QSOX1: variants seen among roughly 807,000 people sequenced by gnomAD.
QSOX1 encodes the protein quiescin sulfhydryl oxidase 1, also known as sulfhydryl oxidase 1.
Under a neutral mutation model 76.1 loss-of-function variants are expected in QSOX1, and 40 were observed. The observed-to-expected ratio is 0.53, with a 90% CI of 0.41 to 0.68. The LOEUF is 0.68. Among genes scored for constraint, QSOX1 ranks in the 30% least tolerant of loss-of-function variants. The pLI is 0.00. For missense variants in QSOX1, 931 were observed against 974.3 expected (o/e 0.96, Z 0.59); for synonymous variants, 392 against 413.1 (o/e 0.95, Z 0.62).
intron 2 of QSOX1, among the ~76,000 whole-genome samples, chr1:180,168,506 C>G (rs1662686227): frequency 6.6e-6 from 1 of 152,230 alleles, no homozygotes; most frequent in African/African-American, 2.4e-5. Context: ...CTCTGAGGTC[C>G]TATGCAGCGG....
rs191825440 is a variant in QSOX1, at chr1:180,189,681, C to T, written c.1140+7C>T. The T allele has an allele frequency of 6.2e-7, 1 of 1,611,290 alleles. No individual in the cohort carries two copies. Among genetic ancestry groups the T allele is most frequent in the African/African-American group, 1.3e-5 (1 of 74,938 alleles). The stretch of plus-strand genomic sequence containing the variant: ...CCTGGACGACAGGAAAGAGGTGAGT[C>T]TGGGAAGCAAATAAAGATCTCTCCA... On this transcript the variant is annotated splice_region_variant and intron_variant, in intron 9 of 11. Coordinates refer to ENST00000367602, the MANE Select transcript of QSOX1 (RefSeq NM_002826.5).
chr1:180,176,993 A>G (rs1021965767), intron 4 of QSOX1, among the ~76,000 whole-genome samples: 4 of 151,998 alleles, frequency 2.6e-5, no homozygotes, highest in African/African-American at 9.7e-5. Flanking sequence ...CCAATTTTCC[A>G]TCCTCCAGAG....
chr1:180,154,931 C>T lies in QSOX1; in HGVS notation c.24C>T (p.Ser8=), dbSNP rs1327716940. ...GGATGAGGAGGTGCAACAGCGGCTCCGGGCCGCCGCCGTCGCTGCTGCTGC... is the reference window on the plus strand; with the variant it reads ...GGATGAGGAGGTGCAACAGCGGCTCTGGGCCGCCGCCGTCGCTGCTGCTGC... The part of the protein sequence containing the change: MRRCNSG[S]GPPPSLLLLL... The change falls in exon 1 of 12, where the codon TCC becomes TCT. Residue 8 remains serine, a synonymous_variant. Coordinates refer to ENST00000367602, the MANE Select transcript of QSOX1 (RefSeq NM_002826.5). 6.8e-7 allele frequency: 1 copy of T among 1,475,414 alleles called. No individual in the cohort carries two copies. Among genetic ancestry groups the T allele is most frequent in the South Asian group, 1.3e-5 (1 of 76,382 alleles). 91.4% of individuals were successfully genotyped at this position (1,475,414 alleles called of 1,614,324 possible). A position where few individuals can be genotyped will look rare whatever the true frequency, so the allele number is the denominator to read the frequency against.
intron 1 of QSOX1, among the ~76,000 whole-genome samples, chr1:180,158,682 C>T (rs919512891): frequency 2.0e-5 from 3 of 151,990 alleles, no homozygotes; most frequent in South Asian, 2.1e-4. Context: ...CTGAATTCTT[C>T]GGTGTAGAGT....
At position 180,203,739 on chromosome 1, in the gene QSOX1, T is replaced by G. The variant is rs1031351102; in HGVS notation, c.*6702T>G. 6.6e-6 allele frequency: 1 copy of G among 152,194 alleles called. No homozygotes were observed. The highest frequency in any genetic ancestry group is 2.4e-5 in the African/African-American group (1 of 41,448). 9.4% of individuals were successfully genotyped at this position (152,194 alleles called of 1,614,324 possible). ...ATATAACAAGTGGCTAAGTGTCAGTTACAGCCTCTGAGCTTTAGTCAATTG... is the reference window on the plus strand; with the variant it reads ...ATATAACAAGTGGCTAAGTGTCAGTGACAGCCTCTGAGCTTTAGTCAATTG... On this transcript the variant is annotated 3_prime_UTR_variant, in exon 12 of 12. Transcript: ENST00000367602.
intron 4 of QSOX1, among the ~76,000 whole-genome samples, 187 bp downstream of exon 4, chr1:180,176,220 G>T (rs1662888548): frequency 6.6e-6 from 1 of 152,208 alleles, no homozygotes; most frequent in African/African-American, 2.4e-5. Flanking sequence ...CTGGTGGTGG[G>T]CTTCCTATCG....
rs1165813226 is a variant in QSOX1 at position 180,196,044 on chromosome 1, G to A, written c.1469-218G>A. Among the ~76,000 whole-genome samples the A allele has an allele frequency of 6.6e-6, 1 of 152,192 alleles. No individual in the cohort carries two copies. Among genetic ancestry groups the A allele is most frequent in the Non-Finnish European group, 1.5e-5 (1 of 68,042 alleles). On this transcript the variant is annotated intron_variant, in intron 11 of 11. Transcript: ENST00000367602. This position sits in a 1 kb window ranked among gnomAD's most constrained non-coding sequence, Gnocchi z 4.1. ...AAACCACGGAGGGCCGGGGCTGAGG[G>A]GTAGGTGGATCTGCCTCCTCCTCCA... is the stretch of plus-strand genomic sequence containing the variant.
At chr1:180,172,295 C>T (rs953748613) in intron 2 of QSOX1, among the ~76,000 whole-genome samples, 4 of 152,196 alleles carry the variant, frequency 2.6e-5, no homozygotes, top group East Asian at 3.9e-4. Context: ...GAGCGTGAGG[C>T]GTGGGAGCCA....
rs1663536331 is a variant in QSOX1 at position 180,197,714 on chromosome 1, A to T, written c.*677A>T. The T allele has an allele frequency of 3.2e-6, 1 of 311,166 alleles. No homozygotes were observed. Among genetic ancestry groups the T allele is most frequent in the Non-Finnish European group, 6.1e-6 (1 of 163,848 alleles). The allele number at this position is 311,166 out of a possible 1,614,324, so 19.3% of individuals were successfully genotyped here. ...TGGTGGGACCTGACGAGTTGGTGGC[A>T]TGGGAAGGATGTGGGTCTCTAGTGC... is the stretch of plus-strand genomic sequence containing the variant. On this transcript the variant is annotated 3_prime_UTR_variant, in exon 12 of 12. Transcript: ENST00000367602.
At chr1:180,183,895 C>T in intron 6 of QSOX1, 21 bp from the exon 7 acceptor site, 1 of 1,607,514 alleles carries the variant, frequency 6.2e-7, no homozygotes, top group African/African-American at 1.3e-5. Context: ...GCCTCTCCTC[C>T]CTGGTTCTGT....
intron 1 of QSOX1, among the ~76,000 whole-genome samples, chr1:180,163,651 T>C (rs1241652638): frequency 6.6e-6 from 1 of 152,258 alleles, no homozygotes; most frequent in Non-Finnish European, 1.5e-5. Flanking sequence ...TTAGAAATGA[T>C]ATTTTATGAA....
chr1:180,186,567 G>A (rs373132995), intron 8 of QSOX1, among the ~76,000 whole-genome samples: 26 of 152,312 alleles, frequency 1.7e-4, no homozygotes, highest in Non-Finnish European at 3.5e-4. Flanking sequence ...ACACCCTGGC[G>A]AAGGAGAGGA....
rs1182267643 is a variant in QSOX1, at chr1:180,201,356, C to T, written c.*4319C>T. On this transcript the variant is annotated 3_prime_UTR_variant, in exon 12 of 12. Transcript: ENST00000367602. ...CCTGACAGTCTTGGGGCAGAGCGCCCCATAGGCCTCTGCAGCCCCATCACT... is the reference window on the plus strand; with the variant it reads ...CCTGACAGTCTTGGGGCAGAGCGCCTCATAGGCCTCTGCAGCCCCATCACT... 1.3e-5 allele frequency: 2 copies of T among 152,168 alleles called. No homozygotes were observed. The highest frequency in any genetic ancestry group is 3.9e-4 in the East Asian group (2 of 5,176). The allele number at this position is 152,168 out of a possible 1,614,324, so 9.4% of individuals were successfully genotyped here.
At chr1:180,167,554 C>T (rs1431392308) in intron 2 of QSOX1, among the ~76,000 whole-genome samples, 3 of 152,176 alleles carry the variant, frequency 2.0e-5, no homozygotes, top group Non-Finnish European at 4.4e-5. Flanking sequence ...AAGGCCGTGG[C>T]TCCACCAGGA....
chr1:180,164,676 G>A (rs183217035), intron 1 of QSOX1, among the ~76,000 whole-genome samples: 13 of 152,358 alleles, frequency 8.5e-5, no homozygotes, highest in African/African-American at 2.6e-4. Flanking sequence ...GGCGTAACGT[G>A]TTCTTAGGAG....
intron 2 of QSOX1, among the ~76,000 whole-genome samples, chr1:180,174,882 C>A (rs945950931): frequency 6.6e-6 from 1 of 151,910 alleles, no homozygotes; most frequent in African/African-American, 2.4e-5. Context: ...GAAACAGGCT[C>A]GGCCAGGCGC....
intron 8 of QSOX1, among the ~76,000 whole-genome samples, chr1:180,189,208 C>T (rs1009759464): frequency 5.9e-5 from 9 of 152,178 alleles, no homozygotes; most frequent in African/African-American, 9.7e-5. Context: ...CACAAGTGCT[C>T]CAGCCTTCCT....
At chr1:180,185,985 A>T in intron 7 of QSOX1, 68 bp from the exon 8 acceptor site, 1 of 1,563,820 alleles carries the variant, frequency 6.4e-7, no homozygotes, top group Non-Finnish European at 8.8e-7. Context: ...TTAGCCCTGG[A>T]TGCTCCTTGC....
chr1:180,158,123 A>G (rs1471818225), intron 1 of QSOX1, among the ~76,000 whole-genome samples: 1 of 151,990 alleles, frequency 6.6e-6, no homozygotes, highest in East Asian at 1.9e-4. Context: ...TAAAACAGGT[A>G]AGTAACTTTC....
Sources: gnomAD v4.1 joint callset for allele counts (sites outside exome capture counted in the v4.1 genomes callset) on GRCh38, gnomAD v4.1.1 for gene constraint, Gnocchi (gnomAD v3.1) non-coding constraint, MANE v1.5 for transcripts, NCBI Gene and HGNC (gene_info 2026-07-23, HGNC 2026-07-21) for gene names.